GAD2: variants seen among roughly 807,000 people sequenced by gnomAD.
GAD2 encodes the protein 65 kDa glutamic acid decarboxylase.
In GAD2, 22 loss-of-function variants were observed where a neutral mutation model predicts 80.1. The ratio of observed to expected loss-of-function variants is 0.27; its 90% confidence interval spans 0.20 to 0.39. The LOEUF is 0.39. GAD2 is among the 10% of genes least tolerant of loss of function. The probability of loss-of-function intolerance (pLI) is 1.00; values close to 1 mark genes in which losing one functional copy is unlikely to be tolerated. For synonymous variants in GAD2, 274 were observed against 256.9 expected, an observed-to-expected ratio of 1.07 and a Z score of -0.64; for missense variants, 624 against 738.4, an observed-to-expected ratio of 0.85 and a Z score of 1.80.
chr10:26,258,613 C>A (rs1251759070), intron 8 of GAD2, among the ~76,000 whole-genome samples: 4 of 152,178 alleles, frequency 2.6e-5, no homozygotes, highest in Admixed American at 2.6e-4. Flanking sequence ...GGGTACCTCA[C>A]TCACATGAAT....
rs968907837 is a variant in GAD2, at chr10:26,301,774, C to T, written c.*813C>T. On this transcript the variant is annotated 3_prime_UTR_variant, in exon 16 of 16. Transcript: ENST00000376261. ...AATTGATCCCATTGGCAGTAAGATT[C>T]TCTTCCCCTTTAAGTTTTCCACCCA... The T allele has an allele frequency of 2.6e-5, 4 of 152,132 alleles. No individual in the cohort carries two copies. The highest frequency in any genetic ancestry group is 7.2e-5 in the African/African-American group (3 of 41,434). 9.4% of individuals were successfully genotyped at this position (152,132 alleles called of 1,614,324 possible).
At chr10:26,245,427 T>C (rs964309870) in intron 7 of GAD2, among the ~76,000 whole-genome samples, 2 of 144,296 alleles carry the variant, frequency 1.4e-5, no homozygotes, top group African/African-American at 2.8e-5. Flanking sequence ...ATTTAAGTTA[T>C]GTTGTTTTAC....
chr10:26,217,551 C>T lies in GAD2; in HGVS notation c.77-59C>T. Reference sequence around the variant, plus strand: ...GATTTTCACATAGAACGAAATTTCACACGTCCGTCTGTTGTTCTCTTTCTG... The same window carrying T: ...GATTTTCACATAGAACGAAATTTCATACGTCCGTCTGTTGTTCTCTTTCTG... On this transcript the variant is annotated intron_variant, in intron 1 of 15. Coordinates refer to ENST00000376261, the MANE Select transcript of GAD2 (RefSeq NM_001134366.2). The surrounding 1 kb of genome is among the most constrained non-coding windows in gnomAD (Gnocchi z 4.9). The T allele has an allele frequency of 1.3e-6, 2 of 1,527,026 alleles. No individual in the cohort carries two copies. The highest frequency in any genetic ancestry group is 1.4e-5 in the African/African-American group (1 of 73,188). The allele number at this position is 1,527,026 out of a possible 1,614,324, so 94.6% of individuals were successfully genotyped here. A position where few individuals can be genotyped will look rare whatever the true frequency, so the allele number is the denominator to read the frequency against.
intron 6 of GAD2, among the ~76,000 whole-genome samples, chr10:26,229,311 A>G (rs1282064614): frequency 6.6e-6 from 1 of 152,022 alleles, no homozygotes; most frequent in Admixed American, 6.6e-5. Context: ...CTCCATCCAG[A>G]TATAACCAGA....
chr10:26,242,656 T>C (rs1486161698), intron 7 of GAD2, among the ~76,000 whole-genome samples: 1 of 152,226 alleles, frequency 6.6e-6, no homozygotes, highest in Non-Finnish European at 1.5e-5. Context: ...AATTTTCTTT[T>C]TCATGCTTCA....
In GAD2 at chr10:26,245,912, T is replaced by G. The variant is rs749778920; in HGVS notation, c.841-9T>G. On this transcript the variant is annotated splice_polypyrimidine_tract_variant and intron_variant, in intron 7 of 15. Coordinates refer to ENST00000376261, the MANE Select transcript of GAD2 (RefSeq NM_001134366.2). The stretch of plus-strand genomic sequence containing the variant: ...GAACTAATTGCAAATATATATATTT[T>G]TTTTACAGAGTCATTTTTCTCTCAA... 1.9e-6 allele frequency: 3 copies of G among 1,606,804 alleles called. No individual in the cohort carries two copies. In the Admixed American group the frequency reaches 5.0e-5, roughly 27 times the overall value.
chr10:26,247,052 G>T (rs1844818702), intron 8 of GAD2, among the ~76,000 whole-genome samples: 1 of 152,244 alleles, frequency 6.6e-6, no homozygotes, highest in South Asian at 2.1e-4. Flanking sequence ...TGAGTCCATA[G>T]AGTGAAATGA....
chr10:26,290,038 T>C lies in GAD2; in HGVS notation c.1387-2427T>C, dbSNP rs189232082. Among the ~76,000 whole-genome samples, 209 of 152,048 alleles carry C rather than the reference T, an allele frequency of 1.4e-3. 1 individual carries two copies. The highest frequency in any genetic ancestry group is 6.8e-3 in the Middle Eastern group (2 of 294). ...GTTTTTTTATGATTAGCTTTTCTAA[T>C]TAAAAATGTGGATAACAGAGGGACT... is the stretch of plus-strand genomic sequence containing the variant. On this transcript the variant is annotated intron_variant, in intron 13 of 15. Coordinates refer to ENST00000376261, the MANE Select transcript of GAD2 (RefSeq NM_001134366.2).
At chr10:26,227,308 G>T (rs953841180) in intron 6 of GAD2, among the ~76,000 whole-genome samples, 1 of 152,208 alleles carries the variant, frequency 6.6e-6, no homozygotes, top group East Asian at 1.9e-4. Flanking sequence ...AATAAGAGCA[G>T]GTAGGGCTCA....
chr10:26,235,026 C>T (rs1844654155), intron 7 of GAD2, among the ~76,000 whole-genome samples: 1 of 152,132 alleles, frequency 6.6e-6, no homozygotes, highest in Admixed American at 6.5e-5. Context: ...GTGCATGCCA[C>T]CACACCTGGC....
intron 7 of GAD2, among the ~76,000 whole-genome samples, chr10:26,235,013 C>T (rs771405589): frequency 3.9e-5 from 6 of 152,188 alleles, no homozygotes; most frequent in Non-Finnish European, 5.9e-5. Context: ...GCTGGGACTA[C>T]AGGTGCATGC....
intron 11 of GAD2, 70 bp downstream of exon 11, chr10:26,273,770 A>G: frequency 2.2e-6 from 3 of 1,354,190 alleles, no homozygotes; most frequent in Non-Finnish European, 3.1e-6. Context: ...ATTACAGTCA[A>G]TTTCCAGGAA....
At position 26,223,794 on chromosome 10, in the gene GAD2, C is replaced by A. The variant is rs971752683; in HGVS notation, c.521-93C>A. The A allele has an allele frequency of 1.9e-5, 15 of 780,622 alleles. No individual in the cohort carries two copies. The African/African-American group carries it at 2.3e-4, about 12-fold the overall frequency. The allele number at this position is 780,622 out of a possible 1,614,324, so 48.4% of individuals were successfully genotyped here. ...TATGGATTTCCTGTTACTGACAGAT[C>A]TTTCAAGGTCCTTTAGCTAGAGAAA... On this transcript the variant is annotated intron_variant, in intron 4 of 15. Transcript: ENST00000376261.
chr10:26,261,627 C>T (rs1463830321), intron 8 of GAD2, among the ~76,000 whole-genome samples: 4 of 151,960 alleles, frequency 2.6e-5, no homozygotes, highest in Non-Finnish European at 1.5e-5. Flanking sequence ...TGTTCTTGTC[C>T]CAAATTTAAT....
chr10:26,265,911 C>T (rs7078821), intron 8 of GAD2, among the ~76,000 whole-genome samples: 3 of 152,212 alleles, frequency 2.0e-5, no homozygotes, highest in South Asian at 4.1e-4. Context: ...ATGGACAAGG[C>T]TACATCTGGA....
chr10:26,259,163 G>A (rs150238319), intron 8 of GAD2, among the ~76,000 whole-genome samples: 86 of 152,222 alleles, frequency 5.6e-4, no homozygotes, highest in African/African-American at 2.0e-3. Context: ...AATGAATATG[G>A]GCTGAAAAAT....
chr10:26,285,495 T>C (rs867830983), intron 12 of GAD2, among the ~76,000 whole-genome samples: 2 of 151,566 alleles, frequency 1.3e-5, no homozygotes, highest in African/African-American at 4.9e-5. Flanking sequence ...AAACACGGGG[T>C]TTTTAGTGAA....
chr10:26,297,684 T>C (rs1425878528), intron 15 of GAD2, among the ~76,000 whole-genome samples: 1 of 152,146 alleles, frequency 6.6e-6, no homozygotes, highest in Non-Finnish European at 1.5e-5. Context: ...GATGGCTAGA[T>C]AGTAGAAAGG....
intron 7 of GAD2, among the ~76,000 whole-genome samples, chr10:26,241,251 T>C (rs1382033503): frequency 6.6e-6 from 1 of 152,220 alleles, no homozygotes; most frequent in African/African-American, 2.4e-5. Flanking sequence ...GTATTCTCAT[T>C]AGCTCATTCC....
Sources: gnomAD v4.1 joint callset for allele counts (sites outside exome capture counted in the v4.1 genomes callset) on GRCh38, gnomAD v4.1.1 for gene constraint, Gnocchi (gnomAD v3.1) non-coding constraint, MANE v1.5 for transcripts, NCBI Gene and HGNC (gene_info 2026-07-23, HGNC 2026-07-21) for gene names.